The following PHF20L1 variants were observed in gnomAD, a reference collection of about 807,000 sequenced individuals.
PHF20L1 encodes the protein PHD finger protein 20 like 1.
PHF20L1 carries 44 observed loss-of-function variants against 125.5 expected under a neutral mutation model. That is an observed-to-expected ratio of 0.35 (90% CI 0.28 to 0.45). The LOEUF (loss-of-function observed/expected upper bound fraction) is 0.45. Among genes scored for constraint, PHF20L1 ranks in the 20% least tolerant of loss-of-function variants. The probability of loss-of-function intolerance (pLI) is 1.00; values close to 1 mark genes in which losing one functional copy is unlikely to be tolerated. For missense variants in PHF20L1, 1,012 were observed against 1,217.2 expected, an observed-to-expected ratio of 0.83 and a Z score of 2.51; for synonymous variants, 380 against 403.1, an observed-to-expected ratio of 0.94 and a Z score of 0.69.
At chr8:132,794,250 C>A (rs1162182470) in intron 2 of PHF20L1, among the ~76,000 whole-genome samples, 160 bp from the exon 3 acceptor site, 3 of 152,018 alleles carry the variant, frequency 2.0e-5, no homozygotes, top group Non-Finnish European at 4.4e-5. Context: ...TTTATAAAGA[C>A]AATAAAGCAG....
chr8:132,832,488 AT>A, intron 15 of PHF20L1, 89 bp downstream of exon 15: 1 of 897,246 alleles, frequency 1.1e-6, no homozygotes, highest in Non-Finnish European at 1.7e-6. Context: ...AGAGCATGCG[AT>A]TTAAAAACTT....
chr8:132,777,739 C>A, intron 1 of PHF20L1, 53 bp from the exon 2 acceptor site: 1 of 806,540 alleles, frequency 1.2e-6, no homozygotes. Context: ...CCCTTATACT[C>A]TACTTCCTAT....
Position 132,839,545 on chromosome 8 carries a change from G to C in PHF20L1, c.2350G>C (p.Val784Leu), listed in dbSNP as rs765343162. ...LLADVYGVTE[V>L]LHGLQLKIGI... ...TGCTGATGTCTATGGTGTTACAGAAGTGCTACACGGGCTACAGCTGAAGAT... is the reference window on the plus strand; with the variant it reads ...TGCTGATGTCTATGGTGTTACAGAACTGCTACACGGGCTACAGCTGAAGAT... Residue 784 changes from valine (V) to leucine (L), a missense_variant, in exon 18 of 21, where the codon GTG (valine) becomes CTG (leucine). Val to Leu is a conservative substitution (Grantham distance 32). This residue lies in a region of PHF20L1 where 277 missense variants were observed against 283.6 expected (regional missense o/e 0.98). Transcript: ENST00000395386. 1.5e-5 allele frequency: 24 copies of C among 1,613,454 alleles called. No homozygotes were observed. Among genetic ancestry groups the C allele is most frequent in the Non-Finnish European group, 1.2e-5 (14 of 1,179,570 alleles).
chr8:132,843,125 A>C, intron 19 of PHF20L1: 2 of 1,175,494 alleles, frequency 1.7e-6, no homozygotes, highest in Non-Finnish European at 2.1e-6. Context: ...TCAATTGTAT[A>C]AGTACATTTC....
intron 2 of PHF20L1, among the ~76,000 whole-genome samples, chr8:132,791,316 C>T (rs1831669575): frequency 7.1e-6 from 1 of 140,162 alleles, no homozygotes; most frequent in African/African-American, 2.7e-5. Context: ...TGCAATGGTG[C>T]GATCTCGGCT....
intron 18 of PHF20L1, chr8:132,842,115 T>G (rs1837996135): frequency 6.4e-6 from 1 of 156,302 alleles, no homozygotes; most frequent in Non-Finnish European, 1.4e-5. Context: ...AGAGGAAATT[T>G]TTACTTTCTG....
chr8:132,799,548 A>G (rs985488569), intron 6 of PHF20L1: 1 of 157,000 alleles, frequency 6.4e-6, no homozygotes, highest in Non-Finnish European at 1.4e-5. Context: ...TTTCTTTTCT[A>G]TTCTGCTGTT....
chr8:132,828,013 A>C (rs112439563), intron 14 of PHF20L1, among the ~76,000 whole-genome samples: 2 of 152,032 alleles, frequency 1.3e-5, no homozygotes, highest in African/African-American at 4.8e-5. Context: ...TTTTCCCCAG[A>C]TGGTTAAATT....
At position 132,804,009 on chromosome 8, in the gene PHF20L1, T is replaced by A. The variant is rs1563806668; in HGVS notation, c.698T>A (p.Leu233Gln). Reference protein sequence around the residue: ...ATPDVEKKEDLPTSSETFGLH... With the variant: ...ATPDVEKKEDQPTSSETFGLH... ...CCAGACGTAGAGAAGAAGGAAGATCTGCCTACATCTAGTGAAACATTTGGT... is the reference window on the plus strand; with the variant it reads ...CCAGACGTAGAGAAGAAGGAAGATCAGCCTACATCTAGTGAAACATTTGGT... The change falls in exon 7 of 21, where the codon CTG becomes CAG. Residue 233 changes from leucine to glutamine, a missense_variant. Leu to Gln is a moderately radical substitution (Grantham distance 113). Transcript: ENST00000395386. 6.2e-7 allele frequency: 1 copy of A among 1,608,214 alleles called. No individual in the cohort carries two copies. Among genetic ancestry groups the A allele is most frequent in the African/African-American group, 1.3e-5 (1 of 74,864 alleles).
chr8:132,794,353 C>A, intron 2 of PHF20L1, 57 bp from the exon 3 acceptor site: 2 of 1,084,036 alleles, frequency 1.8e-6, no homozygotes, highest in South Asian at 1.4e-5. Flanking sequence ...ATGTATAATG[C>A]TTTGTATAAA....
intron 2 of PHF20L1, among the ~76,000 whole-genome samples, chr8:132,782,773 T>G (rs999946140): frequency 3.6e-5 from 5 of 140,084 alleles, no homozygotes; most frequent in African/African-American, 1.3e-4. Context: ...TTTCTTTTTC[T>G]TTTTTTTTTT....
At chr8:132,799,060 C>T (rs1314915696) in intron 5 of PHF20L1, 35 bp from the exon 6 acceptor site, 3 of 1,566,332 alleles carry the variant, frequency 1.9e-6, no homozygotes, top group Non-Finnish European at 1.8e-6. Flanking sequence ...TGGTTTAGAC[C>T]TGCTAAAGTT....
chr8:132,800,498 C>T (rs998192948), intron 6 of PHF20L1, among the ~76,000 whole-genome samples: 3 of 138,394 alleles, frequency 2.2e-5, no homozygotes, highest in African/African-American at 7.3e-5. Flanking sequence ...GTTATTTGGG[C>T]AAAGCTAAGG....
rs903855715 is a variant in PHF20L1, at chr8:132,787,271, G to A, written c.84-7139G>A. 1.1e-3 allele frequency among the ~76,000 whole-genome samples: 166 copies of A among 151,994 alleles called. 1 individual carries two copies. The highest frequency in any genetic ancestry group is 3.9e-3 in the African/African-American group (162 of 41,452). ...CAGGATTCAGGTGCTGGGGGGGTGG[G>A]AGGAGAGAGGAACAGGAACTTAAAT... On this transcript the variant is annotated intron_variant, in intron 2 of 20. Transcript: ENST00000395386.
chr8:132,823,782 G>A (rs1468685466), intron 12 of PHF20L1, among the ~76,000 whole-genome samples: 1 of 151,886 alleles, frequency 6.6e-6, no homozygotes, highest in African/African-American at 2.4e-5. Flanking sequence ...TGTTGAACCT[G>A]AGTAGTTTGA....
chr8:132,811,210 C>A, intron 9 of PHF20L1, 82 bp downstream of exon 9: 1 of 1,587,018 alleles, frequency 6.3e-7, no homozygotes, highest in Non-Finnish European at 8.6e-7. Flanking sequence ...AATTGAAATT[C>A]CCCTTTTGAT....
rs895387206 is a variant in PHF20L1 at position 132,848,707 on chromosome 8, CATCTT to C, written c.*2787_*2791del. ...AGGTAAAACCCCTTTTCCTAACACT[CATCTT>C]ATTTCCACTGTCTTATTTCCTCTCA... On this transcript the variant is annotated 3_prime_UTR_variant, in exon 21 of 21. Transcript: ENST00000395386. 31 of 151,840 alleles carry C rather than the reference CATCTT, an allele frequency of 2.0e-4. No individual in the cohort carries two copies. The highest frequency in any genetic ancestry group is 7.5e-4 in the African/African-American group (31 of 41,530). 9.4% of individuals were successfully genotyped at this position (151,840 alleles called of 1,614,324 possible).
intron 9 of PHF20L1, among the ~76,000 whole-genome samples, chr8:132,814,394 T>C (rs563667380): frequency 6.6e-6 from 1 of 152,052 alleles, no homozygotes; most frequent in Admixed American, 6.6e-5. Context: ...GAAAATATTA[T>C]GAATAATATA....
intron 15 of PHF20L1, among the ~76,000 whole-genome samples, chr8:132,834,772 T>C (rs760898858): frequency 2.6e-5 from 4 of 152,078 alleles, no homozygotes; most frequent in Non-Finnish European, 5.9e-5. Context: ...CTTTAGGTTC[T>C]TTTAAAACAA....
Sources: allele counts gnomAD v4.1 joint callset (sites outside exome capture counted in the v4.1 genomes callset), GRCh38; gene constraint gnomAD v4.1.1; regional missense constraint gnomAD v4.1.1; transcripts MANE v1.5; gene names NCBI Gene and HGNC (gene_info 2026-07-23, HGNC 2026-07-21).